CFAP43: variants seen among roughly 807,000 people sequenced by gnomAD.
CFAP43 encodes cilia- and flagella-associated protein 43.
In CFAP43, 155 loss-of-function variants were observed where a neutral mutation model predicts 218.9. The ratio of observed to expected loss-of-function variants is 0.71; its 90% confidence interval spans 0.62 to 0.81. The LOEUF is 0.81. Ranked by LOEUF, CFAP43 falls within the 30% of genes least tolerant of loss-of-function variation. The pLI, the probability that CFAP43 is intolerant of heterozygous loss-of-function variation, is 0.00. For synonymous variants in CFAP43, 645 were observed against 681.3 expected (o/e 0.95, Z 0.83); for missense variants, 1,778 against 1,954.3 (o/e 0.91, Z 1.70).
rs1411011933 is a variant in CFAP43 at position 104,182,504 on chromosome 10, T to A, written c.2151A>T (p.Gly717=). The A allele has an allele frequency of 6.3e-7, 1 of 1,588,996 alleles. No homozygotes were observed. Among genetic ancestry groups the A allele is most frequent in the East Asian group, 2.3e-5 (1 of 44,200 alleles). The change falls in exon 17 of 38, where the codon GGA becomes GGT. Residue 717 remains glycine (G), a synonymous_variant. Transcript: ENST00000357060. ...CCAGAATTTCACTGGCTAGGTGTCC[T>A]CCAAATCGCCTATATTAATAAAAAA... ...TLVYLKWKRF[G]GHLASEILDY... is the part of the protein sequence containing the mutation.
At chr10:104,150,837 G>A (rs1161513550) in intron 28 of CFAP43, among the ~76,000 whole-genome samples, 3 of 151,912 alleles carry the variant, frequency 2.0e-5, no homozygotes, top group African/African-American at 7.3e-5. Flanking sequence ...TTGTCACCAG[G>A]TACTAAGCCT....
intron 19 of CFAP43, among the ~76,000 whole-genome samples, chr10:104,173,112 A>T (rs2089477164): frequency 1.3e-5 from 2 of 152,218 alleles, no homozygotes. Context: ...AATGTCTTTA[A>T]TATATAAAAA....
Position 104,217,670 on chromosome 10 carries a change from T to C in CFAP43, c.417-3244A>G, listed in dbSNP as rs535964699. Reference sequence around the variant, plus strand: ...GGTACATTTCCAGCACTCCCAGGTGTTCCATGTATGTGGCAATCATCCTGC... The same window carrying C: ...GGTACATTTCCAGCACTCCCAGGTGCTCCATGTATGTGGCAATCATCCTGC... On this transcript the variant is annotated intron_variant, in intron 3 of 37. Coordinates refer to ENST00000357060, the MANE Select transcript of CFAP43 (RefSeq NM_025145.7). Among the ~76,000 whole-genome samples the C allele has an allele frequency of 1.7e-4, 26 of 152,300 alleles. No homozygotes were observed. In the South Asian group the frequency reaches 5.4e-3, roughly 32 times the overall value.
chr10:104,198,053 A>G lies in CFAP43; in HGVS notation c.1096-15T>C, dbSNP rs1265158478. ...TAAACAGATCCCTGATAAACATACA[A>G]AAGAAAAGAAACACATTGTAATTGT... On this transcript the variant is annotated splice_polypyrimidine_tract_variant and intron_variant, in intron 8 of 37. Transcript: ENST00000357060. 1 of 1,437,588 alleles carries G rather than the reference A, an allele frequency of 7.0e-7. No individual in the cohort carries two copies. Among genetic ancestry groups the G allele is most frequent in the Non-Finnish European group, 9.7e-7 (1 of 1,026,820 alleles). 89.1% of individuals were successfully genotyped at this position (1,437,588 alleles called of 1,614,324 possible).
Position 104,132,169 on chromosome 10 carries a change from G to C in CFAP43, c.4624C>G (p.Leu1542Val), listed in dbSNP as rs117628923. The C allele has an allele frequency of 8.0e-3, 12,823 of 1,603,012 alleles. 72 individuals carry two copies. Among genetic ancestry groups the C allele is most frequent in the Non-Finnish European group, 9.3e-3 (10,961 of 1,175,288 alleles). Residue 1542 changes from leucine to valine, a missense_variant, in exon 36 of 38, where the codon CTG becomes GTG. Physicochemically the swap from Leu to Val is conservative, Grantham distance 32. Coordinates refer to ENST00000357060, the MANE Select transcript of CFAP43 (RefSeq NM_025145.7). ...KYLNEPNYEA[L>V]ISIQIGIMEQ... ...ATTATTCCAATCTGAATACTAATCA[G>C]AGCCTCATAGTTTGGTTCATTTAGG...
intron 28 of CFAP43, 139 bp from the exon 29 acceptor site, chr10:104,148,137 G>T: frequency 2.3e-6 from 1 of 440,474 alleles, no homozygotes; most frequent in Non-Finnish European, 4.0e-6. Context: ...TAAAGAAAAA[G>T]GGAATACAGC....
chr10:104,230,064 GC>G (rs2091409877), intron 2 of CFAP43, among the ~76,000 whole-genome samples: 2 of 152,162 alleles, frequency 1.3e-5, no homozygotes, highest in Admixed American at 1.3e-4. Context: ...TTCCCAGGTA[GC>G]ACCAATGTTG....
chr10:104,163,804 G>A (rs1461126916), intron 24 of CFAP43, among the ~76,000 whole-genome samples: 1 of 152,236 alleles, frequency 6.6e-6, no homozygotes, highest in Non-Finnish European at 1.5e-5. Flanking sequence ...TAGAAATGCA[G>A]AGTGATGTGA....
chr10:104,139,840 C>A (rs1314461901), intron 34 of CFAP43, among the ~76,000 whole-genome samples: 1 of 152,116 alleles, frequency 6.6e-6, no homozygotes, highest in African/African-American at 2.4e-5. Flanking sequence ...GAAAATACCT[C>A]TTTTCACATT....
intron 7 of CFAP43, among the ~76,000 whole-genome samples, chr10:104,204,986 G>A (rs1030024981): frequency 7.9e-5 from 12 of 152,068 alleles, no homozygotes; most frequent in African/African-American, 2.9e-4. Context: ...AGGCCCAGGC[G>A]GGCGGATCAT....
chr10:104,193,983 A>G lies in CFAP43; in HGVS notation c.1325T>C (p.Leu442Pro). Residue 442 changes from leucine (L) to proline (P), a missense_variant, in exon 11 of 38, where the codon CTC becomes CCC. Transcript: ENST00000357060. ...ATVLACCPSSLSAAVGTEDGS... is the reference protein window; with the variant it reads ...ATVLACCPSSPSAAVGTEDGS... ...ATCCTCCGTGCCCACGGCTGCAGAGAGGGAGGATGGACAGCAAGCCAGAAC... is the reference window on the plus strand; with the variant it reads ...ATCCTCCGTGCCCACGGCTGCAGAGGGGGAGGATGGACAGCAAGCCAGAAC... The G allele has an allele frequency of 6.2e-7, 1 of 1,613,942 alleles. No homozygotes were observed. Among genetic ancestry groups the G allele is most frequent in the Non-Finnish European group, 8.5e-7 (1 of 1,180,012 alleles).
At chr10:104,189,452 T>A (rs1026075274) in intron 12 of CFAP43, among the ~76,000 whole-genome samples, 1 of 152,208 alleles carries the variant, frequency 6.6e-6, no homozygotes, top group African/African-American at 2.4e-5. Flanking sequence ...CTCTCAGGGA[T>A]CACCTGCTGA....
intron 27 of CFAP43, among the ~76,000 whole-genome samples, chr10:104,159,835 T>A (rs2088778385): frequency 6.6e-6 from 1 of 152,058 alleles, no homozygotes; most frequent in East Asian, 1.9e-4. Flanking sequence ...GAGTGCAAAA[T>A]CTCAGCGTCC....
Position 104,132,135 on chromosome 10 carries a change from G to T in CFAP43, c.4658C>A (p.Thr1553Asn). 6.2e-7 allele frequency: 1 copy of T among 1,604,350 alleles called. No homozygotes were observed. Among genetic ancestry groups the T allele is most frequent in the Non-Finnish European group, 8.5e-7 (1 of 1,176,120 alleles). ...ACTTACCTTATCTAAAACAGCAATG[G>T]TTTGTTCCATTATTCCAATCTGAAT... Reference protein sequence around the residue: ...ISIQIGIMEQTIAVLDKMHKK... With the variant: ...ISIQIGIMEQNIAVLDKMHKK... The change falls in exon 36 of 38, where the codon ACC becomes AAC. Residue 1553 changes from threonine (T) to asparagine (N), a missense_variant. Thr to Asn is a moderately conservative substitution (Grantham distance 65). This residue lies in a region of CFAP43 where 211 missense variants were observed against 230.6 expected (regional missense o/e 0.91). Coordinates refer to ENST00000357060, the MANE Select transcript of CFAP43 (RefSeq NM_025145.7).
At chr10:104,168,148 G>T (rs983049885) in intron 21 of CFAP43, among the ~76,000 whole-genome samples, 4 of 152,154 alleles carry the variant, frequency 2.6e-5, no homozygotes, top group Non-Finnish European at 4.4e-5. Context: ...AACAAGAAAT[G>T]ATCCAGCCCA....
At chr10:104,230,516 A>G in intron 2 of CFAP43, 74 bp downstream of exon 2, 1 of 1,510,694 alleles carries the variant, frequency 6.6e-7, no homozygotes. Flanking sequence ...ATAAATCTTC[A>G]CTTATAATAG....
chr10:104,210,279 A>C (rs962563944), intron 5 of CFAP43, among the ~76,000 whole-genome samples: 14 of 152,230 alleles, frequency 9.2e-5, no homozygotes, highest in Admixed American at 3.9e-4. Flanking sequence ...TCATTAGAGG[A>C]AATATTAAGG....
chr10:104,174,781 C>T (rs974961642), intron 19 of CFAP43, among the ~76,000 whole-genome samples: 1 of 151,906 alleles, frequency 6.6e-6, no homozygotes, highest in African/African-American at 2.4e-5. Context: ...ACTGGCCGGG[C>T]GTGGTGGCCC....
At chr10:104,179,972 A>G (rs1435383671) in intron 17 of CFAP43, 40 bp from the exon 18 acceptor site, 22 of 1,537,464 alleles carry the variant, frequency 1.4e-5, no homozygotes, top group Non-Finnish European at 1.9e-5. Flanking sequence ...TCTTAAAGTT[A>G]AAATTCATCA....
Sources: allele counts gnomAD v4.1 joint callset (sites outside exome capture counted in the v4.1 genomes callset), GRCh38; gene constraint gnomAD v4.1.1; regional missense constraint gnomAD v4.1.1; transcripts MANE v1.5; gene names NCBI Gene and HGNC (gene_info 2026-07-23, HGNC 2026-07-21).